The following CFAP96 variants were observed in gnomAD, a reference collection of about 807,000 sequenced individuals.
The protein encoded by CFAP96 is cilia-and flagella-associated protein 96.
chr4:185,444,331 A>G, the CFAP96 span, among the ~76,000 whole-genome samples: 1 of 152,190 alleles, frequency 6.6e-6, no homozygotes, highest in East Asian at 1.9e-4. Context: ...TAAATGGGTT[A>G]TTATGATTCT....
the CFAP96 span, among the ~76,000 whole-genome samples, chr4:185,437,810 A>C: frequency 6.6e-6 from 1 of 152,202 alleles, no homozygotes; most frequent in African/African-American, 2.4e-5. Context: ...GAACTTATAC[A>C]TAAGTCAGAA....
the CFAP96 span, among the ~76,000 whole-genome samples, chr4:185,418,069 A>ACACACACACACACACAC: frequency 2.6e-4 from 6 of 22,780 alleles, no homozygotes; most frequent in Non-Finnish European, 4.6e-4. Context: ...CACACACACA[A>ACACACACACACACACAC]ACAACAGAAC....
At chr4:185,420,826 C>T in the CFAP96 span, among the ~76,000 whole-genome samples, 2 of 152,162 alleles carry the variant, frequency 1.3e-5, no homozygotes, top group African/African-American at 4.8e-5. Context: ...AGAAGGAATA[C>T]AATCAAGTCA....
chr4:185,409,461 A>T, the CFAP96 span, among the ~76,000 whole-genome samples: 1 of 152,086 alleles, frequency 6.6e-6, no homozygotes, highest in Non-Finnish European at 1.5e-5. Flanking sequence ...AGTAGCTGGG[A>T]TTACAGTTGC....
the CFAP96 span, among the ~76,000 whole-genome samples, chr4:185,430,738 A>G: frequency 1.2e-3 from 175 of 151,756 alleles, 1 homozygote; most frequent in East Asian, 0.031. Context: ...CCCTGTCTCT[A>G]CAAAAAATAC....
At chr4:185,432,029 G>A in the CFAP96 span, 1 of 1,551,502 alleles carries the variant, frequency 6.4e-7, no homozygotes. Flanking sequence ...GCTACCTGGA[G>A]GGTCCAAAGA....
At chr4:185,415,901 T>G in the CFAP96 span, 2 of 1,517,012 alleles carry the variant, frequency 1.3e-6, no homozygotes, top group Non-Finnish European at 1.8e-6. Flanking sequence ...CAACTTGTAG[T>G]GCATTAAACA....
the CFAP96 span, chr4:185,416,144 A>T: frequency 4.3e-6 from 1 of 233,078 alleles, no homozygotes; most frequent in Non-Finnish European, 8.2e-6. Flanking sequence ...AAAGATTAAA[A>T]GCACAAATAT....
chr4:185,447,571 TG>T, the CFAP96 span, among the ~76,000 whole-genome samples: 5 of 152,240 alleles, frequency 3.3e-5, no homozygotes, highest in Admixed American at 3.3e-4. Flanking sequence ...CTTGAGCACT[TG>T]TATGTGTCAC....
At chr4:185,423,242 T>C in the CFAP96 span, among the ~76,000 whole-genome samples, 1 of 152,196 alleles carries the variant, frequency 6.6e-6, no homozygotes, top group Non-Finnish European at 1.5e-5. Context: ...TTTAAGACAA[T>C]CTTTCCAAAT....
At chr4:185,420,529 C>T in the CFAP96 span, among the ~76,000 whole-genome samples, 2 of 152,078 alleles carry the variant, frequency 1.3e-5, no homozygotes, top group Non-Finnish European at 2.9e-5. Flanking sequence ...AACGACCATA[C>T]TGGTATCTTG....
chr4:185,433,407 A>T, the CFAP96 span, among the ~76,000 whole-genome samples: 2 of 73,238 alleles, frequency 2.7e-5, no homozygotes. Flanking sequence ...AAAAAAAAAA[A>T]AAAAAAGAAA....
At chr4:185,434,724 G>T in the CFAP96 span, among the ~76,000 whole-genome samples, 2 of 151,928 alleles carry the variant, frequency 1.3e-5, no homozygotes, top group Non-Finnish European at 2.9e-5. Context: ...TTATGGAACC[G>T]TAGGCATTTA....
the CFAP96 span, chr4:185,449,540 T>C: frequency 1.8e-6 from 2 of 1,114,242 alleles, no homozygotes; most frequent in Non-Finnish European, 2.6e-6. Context: ...AAAAAGAATG[T>C]ACAGGTATTT....
chr4:185,437,546 G>A, the CFAP96 span, among the ~76,000 whole-genome samples: 1 of 152,172 alleles, frequency 6.6e-6, no homozygotes, highest in African/African-American at 2.4e-5. Context: ...GAATGTGAGA[G>A]AATAAGGACC....
At chr4:185,431,913 AT>A in the CFAP96 span, 1 of 1,249,354 alleles carries the variant, frequency 8.0e-7, no homozygotes, top group Non-Finnish European at 1.1e-6. Context: ...GGAAATTGTT[AT>A]CTTATTTTTC....
the CFAP96 span, among the ~76,000 whole-genome samples, chr4:185,435,255 T>G: frequency 1.3e-3 from 191 of 152,352 alleles, 5 homozygotes; most frequent in South Asian, 0.039. Context: ...AGACTGAAGG[T>G]ATTGACAATA....
chr4:185,443,196 C>G, the CFAP96 span, among the ~76,000 whole-genome samples: 4 of 151,090 alleles, frequency 2.6e-5, no homozygotes, highest in African/African-American at 4.9e-5. Flanking sequence ...TCTTACATTT[C>G]TTTCTCCATC....
the CFAP96 span, among the ~76,000 whole-genome samples, chr4:185,410,434 A>C: frequency 6.7e-6 from 1 of 149,832 alleles, no homozygotes; most frequent in Admixed American, 6.6e-5. Flanking sequence ...AGATCACCTA[A>C]AGTCAGGAGT....
Sources: allele counts gnomAD v4.1 joint callset (sites outside exome capture counted in the v4.1 genomes callset), GRCh38; gene constraint gnomAD v4.1.1; transcripts MANE v1.5; gene names NCBI Gene and HGNC (gene_info 2026-07-23, HGNC 2026-07-21).